The following PIWIL4 variants were observed in gnomAD, a reference collection of about 807,000 sequenced individuals.
PIWIL4 encodes piwi-like protein 4.
A neutral mutation model predicts 100.9 loss-of-function variants in PIWIL4; 50 were observed. That is an observed-to-expected ratio of 0.50 (90% CI 0.39 to 0.63). PIWIL4 has a LOEUF of 0.63. Among genes scored for constraint, PIWIL4 ranks in the 20% least tolerant of loss-of-function variants. PIWIL4 has a pLI of 0.00. For missense variants in PIWIL4, 887 were observed against 1,043.3 expected (o/e 0.85, Z 2.06); for synonymous variants, 342 against 367.5 (o/e 0.93, Z 0.79).
At chr11:94,583,371 G>A (rs1948352937) in intron 4 of PIWIL4, 77 bp from the exon 5 acceptor site, 2 of 1,519,630 alleles carry the variant, frequency 1.3e-6, no homozygotes, top group Non-Finnish European at 1.8e-6. Context: ...ATATTACATT[G>A]TGATGGCTTT....
intron 13 of PIWIL4, among the ~76,000 whole-genome samples, chr11:94,606,882 C>T (rs1052106857): frequency 6.6e-6 from 1 of 151,508 alleles, no homozygotes; most frequent in Non-Finnish European, 1.5e-5. Flanking sequence ...ATCCACCCCC[C>T]ACTCATATCC....
At chr11:94,598,532 T>C (rs1948589766) in intron 11 of PIWIL4, among the ~76,000 whole-genome samples, 1 of 152,098 alleles carries the variant, frequency 6.6e-6, no homozygotes, top group Admixed American at 6.6e-5. Context: ...GCAAAAATTA[T>C]ACATTATCTT....
At chr11:94,609,586 T>C (rs1282768408) in intron 15 of PIWIL4, among the ~76,000 whole-genome samples, 1 of 152,178 alleles carries the variant, frequency 6.6e-6, no homozygotes, top group Non-Finnish European at 1.5e-5. Context: ...ATGCTTCTTA[T>C]ATATGCCACA....
intron 8 of PIWIL4, among the ~76,000 whole-genome samples, chr11:94,592,805 G>A (rs1428373708): frequency 6.6e-6 from 1 of 152,172 alleles, no homozygotes; most frequent in African/African-American, 2.4e-5. Flanking sequence ...CTTAAGTTTA[G>A]GATGGTAAAG....
intron 15 of PIWIL4, among the ~76,000 whole-genome samples, chr11:94,610,839 A>G (rs987878811): frequency 1.8e-4 from 27 of 152,310 alleles, no homozygotes; most frequent in African/African-American, 6.3e-4. Context: ...TTGGTGTCAT[A>G]TTCAGAAAAT....
intron 10 of PIWIL4, 112 bp downstream of exon 10, chr11:94,595,538 C>T (rs141295293): frequency 1.1e-5 from 10 of 890,816 alleles, no homozygotes; most frequent in African/African-American, 1.7e-5. Flanking sequence ...TGATTCAGAG[C>T]AAGGAGCTTT....
At chr11:94,570,383 C>A (rs968761205) in intron 2 of PIWIL4, among the ~76,000 whole-genome samples, 7 of 151,850 alleles carry the variant, frequency 4.6e-5, no homozygotes, top group African/African-American at 1.7e-4. Context: ...TCCTTGTGTT[C>A]ACATGATCTT....
intron 6 of PIWIL4, 98 bp from the exon 7 acceptor site, chr11:94,586,952 T>C: frequency 8.6e-7 from 1 of 1,167,154 alleles, no homozygotes; most frequent in Non-Finnish European, 1.2e-6. Context: ...CTTGTTAAGA[T>C]CTCGAGAATT....
In PIWIL4 at chr11:94,589,239, CT is replaced by C. The variant is rs763766546; in HGVS notation, c.1026+11del. On this transcript the variant is annotated splice_region_variant and intron_variant, in intron 8 of 19. Transcript: ENST00000299001. ...TGTGGATTACTACAAGCAGGTAGGACTTTTCTTCATGCATCTCTATCTCCTT... is the reference window on the plus strand; with the variant it reads ...TGTGGATTACTACAAGCAGGTAGGACTTTCTTCATGCATCTCTATCTCCTT... 5 of 1,567,188 alleles carry C rather than the reference CT, an allele frequency of 3.2e-6. No homozygotes were observed. The South Asian group carries it at 4.4e-5, about 14-fold the overall frequency.
chr11:94,585,083 T>G (rs1026123263), intron 5 of PIWIL4, among the ~76,000 whole-genome samples: 1 of 151,750 alleles, frequency 6.6e-6, no homozygotes, highest in African/African-American at 2.4e-5. Context: ...GAAAAAGAAA[T>G]AAGGTCTTCA....
chr11:94,599,130 C>G (rs1948600478), intron 11 of PIWIL4, among the ~76,000 whole-genome samples: 1 of 152,174 alleles, frequency 6.6e-6, no homozygotes, highest in African/African-American at 2.4e-5. Context: ...AATGTAGACT[C>G]CCATTAGGAT....
At chr11:94,569,379 T>A (rs1344823661) in intron 2 of PIWIL4, among the ~76,000 whole-genome samples, 4 of 151,770 alleles carry the variant, frequency 2.6e-5, no homozygotes, top group Admixed American at 6.6e-5. Flanking sequence ...TTTTTTTTTG[T>A]TTGTTTGTTT....
chr11:94,601,539 G>A (rs548041666), intron 11 of PIWIL4, among the ~76,000 whole-genome samples: 130 of 152,306 alleles, frequency 8.5e-4, no homozygotes, highest in African/African-American at 2.9e-3. Context: ...TCTGTGCACC[G>A]CAGAGAATCA....
intron 4 of PIWIL4, 94 bp from the exon 5 acceptor site, chr11:94,583,354 T>C (rs1049797009): frequency 7.1e-7 from 1 of 1,411,044 alleles, no homozygotes; most frequent in African/African-American, 1.4e-5. Flanking sequence ...TTTGTTTTTG[T>C]TAATGCATAT....
intron 5 of PIWIL4, among the ~76,000 whole-genome samples, chr11:94,584,859 G>T (rs972236731): frequency 3.3e-5 from 5 of 152,154 alleles, no homozygotes; most frequent in African/African-American, 1.2e-4. Flanking sequence ...GAGGTCAGGA[G>T]TTCGAGACCA....
chr11:94,588,841 T>TA (rs1948440443), intron 7 of PIWIL4, among the ~76,000 whole-genome samples: 1 of 152,208 alleles, frequency 6.6e-6, no homozygotes, highest in Non-Finnish European at 1.5e-5. Context: ...TACCTGAAGT[T>TA]AGAGTATCTA....
intron 10 of PIWIL4, among the ~76,000 whole-genome samples, chr11:94,595,635 C>T (rs1356461637): frequency 6.6e-6 from 1 of 152,218 alleles, no homozygotes; most frequent in Non-Finnish European, 1.5e-5. Flanking sequence ...ATAGGAATAA[C>T]ACTTGCTTTA....
In PIWIL4 at chr11:94,601,978, A is replaced by G. The variant is rs1948648555; in HGVS notation, c.1564A>G (p.Ile522Val). ...GGGATTTAATGTGGACTACCCCAAA[A>G]TGTGAGAATACATTGAATTTTGTTC... is the stretch of plus-strand genomic sequence containing the variant. ...SMGFNVDYPKIIKVQENPAAF... is the reference protein window; with the variant it reads ...SMGFNVDYPKVIKVQENPAAF... The change falls in exon 12 of 20, where the codon ATC becomes GTC. Residue 522 changes from isoleucine (I) to valine (V), a missense_variant and splice_region_variant. Physicochemically the swap from Ile to Val is conservative, Grantham distance 29. Around this residue, in one of 2 missense-constraint regions of PIWIL4, gnomAD observed 741 missense variants for 930.0 expected, o/e 0.80. Transcript: ENST00000299001. 1.2e-6 allele frequency: 2 copies of G among 1,600,232 alleles called. No individual in the cohort carries two copies. Among genetic ancestry groups the G allele is most frequent in the Non-Finnish European group, 1.7e-6 (2 of 1,175,780 alleles).
chr11:94,618,092 C>G lies in PIWIL4; in HGVS notation c.2153C>G (p.Ser718Cys). 1.9e-6 allele frequency: 3 copies of G among 1,572,024 alleles called. No individual in the cohort carries two copies. Among genetic ancestry groups the G allele is most frequent in the Non-Finnish European group, 2.6e-6 (3 of 1,155,964 alleles). ...CAGCTGCTGAGCAGTGTGGCAGAATCCAGCTCAAATACCAGGTATTCAATT... is the reference window on the plus strand; with the variant it reads ...CAGCTGCTGAGCAGTGTGGCAGAATGCAGCTCAAATACCAGGTATTCAATT... ...VPQLLSSVAESSSNTSSRLSV... is the reference protein window; with the variant it reads ...VPQLLSSVAECSSNTSSRLSV... The change falls in exon 17 of 20, where the codon TCC becomes TGC. Residue 718 changes from serine (S) to cysteine (C), a missense_variant. Physicochemically the swap from Ser to Cys is moderately radical, Grantham distance 112. This residue lies in a region of PIWIL4 where 741 missense variants were observed against 930.0 expected (regional missense o/e 0.80). Coordinates refer to ENST00000299001, the MANE Select transcript of PIWIL4 (RefSeq NM_152431.3).
Sources: gnomAD v4.1 joint callset for allele counts (sites outside exome capture counted in the v4.1 genomes callset) on GRCh38, gnomAD v4.1.1 for gene constraint, gnomAD v4.1.1 regional missense constraint, MANE v1.5 for transcripts, NCBI Gene and HGNC (gene_info 2026-07-23, HGNC 2026-07-21) for gene names.